Variants in GRK3 observed in about 807,000 individuals in gnomAD.
The protein encoded by GRK3 is G protein-coupled receptor kinase 3, also known as adrenergic, beta, receptor kinase 2.
GRK3 carries 54 observed loss-of-function variants against 95.7 expected under a neutral mutation model. The ratio of observed to expected loss-of-function variants is 0.56; its 90% CI spans 0.45 to 0.71. The LOEUF (loss-of-function observed/expected upper bound fraction) is 0.71, where lower values mean the gene tolerates loss of function less well. Among genes scored for constraint, GRK3 ranks in the 30% least tolerant of loss-of-function variants. GRK3 has a pLI of 0.00. For synonymous variants in GRK3, 281 were observed against 290.8 expected (o/e 0.97, Z 0.34); for missense variants, 649 against 851.2 (o/e 0.76, Z 2.96).
chr22:25,661,553 AATG>A lies in GRK3; in HGVS notation c.265-20_265-18del. 6.7e-7 allele frequency: 1 copy of A among 1,496,150 alleles called. No individual in the cohort carries two copies. Among genetic ancestry groups the A allele is most frequent in the Admixed American group, 1.7e-5 (1 of 58,564 alleles). 92.7% of individuals were successfully genotyped at this position (1,496,150 alleles called of 1,614,324 possible). The stretch of plus-strand genomic sequence containing the variant: ...AGTTTCCAGGAAGATACAACCTAAC[AATG>A]ATAACTTTAAAAAACCTAGATAAAG... On this transcript the variant is annotated intron_variant, in intron 3 of 20. Coordinates refer to ENST00000324198, the MANE Select transcript of GRK3 (RefSeq NM_005160.4).
At chr22:25,616,779 G>C (rs1205912177) in intron 2 of GRK3, among the ~76,000 whole-genome samples, 1 of 152,218 alleles carries the variant, frequency 6.6e-6, no homozygotes, top group African/African-American at 2.4e-5. Context: ...GGGGACACTT[G>C]TCCTCAGGTC....
At chr22:25,665,136 G>A (rs1256224904) in intron 5 of GRK3, among the ~76,000 whole-genome samples, 1 of 152,194 alleles carries the variant, frequency 6.6e-6, no homozygotes, top group Admixed American at 6.5e-5. Flanking sequence ...CGCTCTCCCT[G>A]AAAGGGAGGT....
chr22:25,649,093 G>C (rs1569179149), intron 3 of GRK3: 1 of 1,530,614 alleles, frequency 6.5e-7, no homozygotes, highest in Non-Finnish European at 9.1e-7. Context: ...CCTCAGGGCT[G>C]TCCAGAATCC....
At chr22:25,688,347 G>A (rs2146435798) in intron 11 of GRK3, among the ~76,000 whole-genome samples, 1 of 151,912 alleles carries the variant, frequency 6.6e-6, no homozygotes, top group South Asian at 2.1e-4. Flanking sequence ...TCGTGGCTCT[G>A]TAAAGGGCTG....
chr22:25,698,273 AGAAGGAAG>A (rs541892462), intron 13 of GRK3, among the ~76,000 whole-genome samples: 2 of 151,360 alleles, frequency 1.3e-5, no homozygotes, highest in Non-Finnish European at 3.0e-5. Flanking sequence ...AGGGAGAGAA[AGAAGGAAG>A]GAAGGAAGGA....
intron 11 of GRK3, among the ~76,000 whole-genome samples, chr22:25,689,333 AATC>A (rs1293430806): frequency 1.3e-5 from 2 of 152,188 alleles, no homozygotes; most frequent in East Asian, 1.9e-4. Context: ...ACTGGTTTCT[AATC>A]ATCTTTATGC....
intron 12 of GRK3, among the ~76,000 whole-genome samples, chr22:25,691,316 C>T (rs2085163077): frequency 6.6e-6 from 1 of 152,054 alleles, no homozygotes; most frequent in Admixed American, 6.5e-5. Flanking sequence ...AAAAAAACTC[C>T]CAGTGGTCTC....
In GRK3 at chr22:25,688,235, C is replaced by CAAA. The variant is rs35383882; in HGVS notation, c.957+587_957+589dup. Among the ~76,000 whole-genome samples, 9 of 63,400 alleles carry CAAA rather than the reference C, an allele frequency of 1.4e-4. 1 individual carries two copies. The highest frequency in any genetic ancestry group is 5.4e-4 in the Admixed American group (3 of 5,592). The allele number at this position is 63,400 out of a possible 152,430, so 41.6% of individuals were successfully genotyped here. On this transcript the variant is annotated intron_variant, in intron 11 of 20. Transcript: ENST00000324198. ...TGGACAACAGAGCAAGACTCTGTCTCAAAAAAAAAAAAAAAAAAAAAGCAG... is the reference window on the plus strand; with the variant it reads ...TGGACAACAGAGCAAGACTCTGTCTCAAAAAAAAAAAAAAAAAAAAAAAAGCAG...
intron 13 of GRK3, among the ~76,000 whole-genome samples, chr22:25,699,699 C>CTTTTTTTT (rs532664312): frequency 7.7e-6 from 1 of 129,246 alleles, no homozygotes; most frequent in Non-Finnish European, 1.7e-5. Flanking sequence ...CTTTTCTTTT[C>CTTTTTTTT]TTTTTTTTTT....
intron 1 of GRK3, among the ~76,000 whole-genome samples, chr22:25,593,141 T>C (rs970833354): frequency 2.0e-5 from 3 of 152,198 alleles, no homozygotes; most frequent in Non-Finnish European, 4.4e-5. Context: ...CATGTGGTTT[T>C]TTTTTTTTCT....
In GRK3 at chr22:25,727,276, G is replaced by A. The variant is rs1442492090; in HGVS notation, c.*4826G>A. 1.3e-5 allele frequency: 2 copies of A among 151,778 alleles called. No individual in the cohort carries two copies. The highest frequency in any genetic ancestry group is 2.9e-5 in the Non-Finnish European group (2 of 67,988). The allele number at this position is 151,778 out of a possible 1,614,324, so 9.4% of individuals were successfully genotyped here. On this transcript the variant is annotated 3_prime_UTR_variant, in exon 21 of 21. Coordinates refer to ENST00000324198, the MANE Select transcript of GRK3 (RefSeq NM_005160.4). ...GAATTACTTAAATTCATGTTAATAT[G>A]ATTTTTTTTTAATCCAGGTCACATT...
chr22:25,707,395 A>G (rs1277744215), intron 15 of GRK3, among the ~76,000 whole-genome samples: 2 of 152,188 alleles, frequency 1.3e-5, no homozygotes, highest in African/African-American at 4.8e-5. Flanking sequence ...CTTGGATCCC[A>G]TTCTTTCATT....
chr22:25,678,328 G>A (rs1015933007), intron 8 of GRK3, among the ~76,000 whole-genome samples: 12 of 152,120 alleles, frequency 7.9e-5, no homozygotes, highest in South Asian at 2.1e-4. Context: ...GGTGGCGGGC[G>A]CCTGTAGTCC....
At chr22:25,609,212 G>A (rs2084476083) in intron 2 of GRK3, among the ~76,000 whole-genome samples, 1 of 152,178 alleles carries the variant, frequency 6.6e-6, no homozygotes, top group South Asian at 2.1e-4. Context: ...ATCATATGAA[G>A]TGAGGCACAT....
chr22:25,623,357 C>T (rs1285089460), intron 2 of GRK3, among the ~76,000 whole-genome samples: 5 of 152,198 alleles, frequency 3.3e-5, no homozygotes, highest in Non-Finnish European at 5.9e-5. Flanking sequence ...TCCTAATTCC[C>T]GCCGTGTAAG....
intron 13 of GRK3, among the ~76,000 whole-genome samples, chr22:25,697,685 T>G (rs1308076257): frequency 6.6e-6 from 1 of 152,200 alleles, no homozygotes; most frequent in African/African-American, 2.4e-5. Flanking sequence ...GGATGCATTT[T>G]GAGGAGAAAA....
intron 1 of GRK3, among the ~76,000 whole-genome samples, chr22:25,574,937 T>C (rs1381759832): frequency 2.0e-5 from 3 of 152,220 alleles, no homozygotes; most frequent in Non-Finnish European, 2.9e-5. Flanking sequence ...AGCTTGTTTT[T>C]TATGCAAAAC....
chr22:25,624,682 A>G (rs981549905), intron 2 of GRK3, among the ~76,000 whole-genome samples: 2 of 152,172 alleles, frequency 1.3e-5, no homozygotes, highest in African/African-American at 4.8e-5. Context: ...AAAGTATAGT[A>G]CTGTGAGGTG....
chr22:25,644,706 C>A (rs1442002831), intron 3 of GRK3, 41 bp downstream of exon 3: 1 of 1,006,688 alleles, frequency 9.9e-7, no homozygotes, highest in South Asian at 1.5e-5. Flanking sequence ...CTTTCAAAAG[C>A]ATATTTAAAC....
Sources: allele counts gnomAD v4.1 joint callset (sites outside exome capture counted in the v4.1 genomes callset), GRCh38; gene constraint gnomAD v4.1.1; transcripts MANE v1.5; gene names NCBI Gene and HGNC (gene_info 2026-07-23, HGNC 2026-07-21).